The following STRA6 variants were observed in gnomAD, a reference collection of about 807,000 sequenced individuals.
The protein encoded by STRA6 is receptor for retinol uptake STRA6.
STRA6 carries 48 observed loss-of-function variants against 83.6 expected under a neutral mutation model. The observed-to-expected ratio is 0.57, with a 90% confidence interval of 0.46 to 0.73. The LOEUF is 0.73. Ranked by LOEUF, STRA6 falls within the 30% of genes least tolerant of loss-of-function variation. The probability of loss-of-function intolerance (pLI) is 0.00; values close to 1 mark genes in which losing one functional copy is unlikely to be tolerated. For missense variants in STRA6, 760 were observed against 838.8 expected (o/e 0.91, Z 1.16); for synonymous variants, 353 against 362.3 (o/e 0.97, Z 0.29).
In STRA6 at chr15:74,196,054, G is replaced by C; in HGVS notation, c.360C>G (p.Asp120Glu). The C allele has an allele frequency of 6.2e-7, 1 of 1,613,986 alleles. No homozygotes were observed. ...GAGTCAGGAAGGGCAATGCGTCCTC[G>C]TCGGGGAGCAGCAAACACAGGGAGC... ...LLSSLCLLLP[D>E]EDALPFLTLA... The change falls in exon 5 of 19, where the codon GAC becomes GAG. Residue 120 changes from aspartate (D) to glutamate (E), a missense_variant. Asp to Glu is a conservative substitution (Grantham distance 45). Transcript: ENST00000395105.
intron 13 of STRA6, 80 bp downstream of exon 13, chr15:74,184,900 C>A: frequency 1.4e-6 from 2 of 1,447,316 alleles, no homozygotes; most frequent in Admixed American, 1.8e-5. Flanking sequence ...TCCCTCCAGG[C>A]CCAGGGCCTC....
intron 8 of STRA6, among the ~76,000 whole-genome samples, chr15:74,192,443 C>T (rs992405193): frequency 1.3e-5 from 2 of 152,198 alleles, no homozygotes; most frequent in Non-Finnish European, 2.9e-5. Context: ...TGGGCCTTCT[C>T]GGACCAGAGT....
At chr15:74,181,184 T>C in intron 17 of STRA6, 111 bp downstream of exon 17, 1 of 1,501,044 alleles carries the variant, frequency 6.7e-7, no homozygotes, top group South Asian at 1.2e-5. Context: ...CACATGCAGC[T>C]ACAGGCATCG....
chr15:74,189,147 T>C lies in STRA6; in HGVS notation c.1058A>G (p.Glu353Gly). The C allele has an allele frequency of 6.2e-7, 1 of 1,614,092 alleles. No individual in the cohort carries two copies. Among genetic ancestry groups the C allele is most frequent in the Non-Finnish European group, 8.5e-7 (1 of 1,180,020 alleles). The change falls in exon 12 of 19, where the codon GAG becomes GGG. Residue 353 changes from glutamate (E) to glycine (G), a missense_variant. Glu to Gly is a moderately conservative substitution (Grantham distance 98, BLOSUM62 -2). Coordinates refer to ENST00000395105, the MANE Select transcript of STRA6 (RefSeq NM_022369.4). ...AGCCCACAGATGGTGCTTCACCAGC[T>C]CCACCACCTCCTGCTTGTCCTCGGA... ...VLSEDKQEVV[E>G]LVKHHLWALE...
At chr15:74,197,586 G>A in intron 3 of STRA6, 163 bp from the exon 4 acceptor site, 1 of 1,119,118 alleles carries the variant, frequency 8.9e-7, no homozygotes, top group Non-Finnish European at 1.3e-6. Context: ...CTGGAAGGTT[G>A]GACTTGCATC....
chr15:74,198,468 G>A (rs910076445), intron 2 of STRA6, among the ~76,000 whole-genome samples: 5 of 152,128 alleles, frequency 3.3e-5, no homozygotes, highest in Non-Finnish European at 2.9e-5. Flanking sequence ...CCCCTCTCCA[G>A]GGAGCCCCTC....
chr15:74,192,676 C>G (rs1485913089), intron 8 of STRA6, among the ~76,000 whole-genome samples: 1 of 152,186 alleles, frequency 6.6e-6, no homozygotes, highest in African/African-American at 2.4e-5. Context: ...GCTGGCTGGC[C>G]AGGTGCCTCC....
intron 2 of STRA6, 107 bp downstream of exon 2, chr15:74,202,048 C>G: frequency 3.1e-6 from 4 of 1,303,962 alleles, no homozygotes; most frequent in Non-Finnish European, 3.9e-6. Flanking sequence ...GTGGCAGAGC[C>G]AGACCTAGCA....
At chr15:74,186,093 G>T (rs910622063) in intron 12 of STRA6, among the ~76,000 whole-genome samples, 2 of 152,140 alleles carry the variant, frequency 1.3e-5, no homozygotes, top group African/African-American at 4.8e-5. Context: ...GCTAAAACTC[G>T]CCCATAGCCC....
At chr15:74,205,632 A>C (rs537690677), upstream of STRA6, among the ~76,000 whole-genome samples, 1 of 152,208 alleles carries the variant, frequency 6.6e-6, no homozygotes, top group East Asian at 1.9e-4. Flanking sequence ...CATCCAAACC[A>C]TATCGGGCAC....
chr15:74,184,944 A>T (rs754294051), intron 13 of STRA6, 36 bp downstream of exon 13: 1 of 1,605,298 alleles, frequency 6.2e-7, no homozygotes, highest in East Asian at 2.2e-5. Flanking sequence ...CTCCTTCCCC[A>T]CCTCGGCGCT....
rs1249632865 is a variant in STRA6 at position 74,188,428 on chromosome 15, C to G, written c.1090+687G>C. Among the ~76,000 whole-genome samples, 1 of 152,258 alleles carries G rather than the reference C, an allele frequency of 6.6e-6. No individual in the cohort carries two copies. Among genetic ancestry groups the G allele is most frequent in the Non-Finnish European group, 1.5e-5 (1 of 68,050 alleles). ...TTGTCCCAAGGTGATGGAGAAGGCC[C>G]CCGCCTAGGCTTCAGGAGCCCTGCG... On this transcript the variant is annotated intron_variant, in intron 12 of 18. Coordinates refer to ENST00000395105, the MANE Select transcript of STRA6 (RefSeq NM_022369.4). This position sits in a 1 kb window ranked among gnomAD's most constrained non-coding sequence, Gnocchi z 4.5.
intron 2 of STRA6, among the ~76,000 whole-genome samples, chr15:74,200,467 T>C (rs1031805974): frequency 1.2e-4 from 18 of 152,314 alleles, no homozygotes; most frequent in Admixed American, 1.2e-3. Flanking sequence ...TTTTAGGACA[T>C]TTCTGTGGCT....
chr15:74,208,690 C>A (rs904249049), intron 1 of STRA6: 2 of 986,122 alleles, frequency 2.0e-6, no homozygotes, highest in African/African-American at 3.5e-5. Context: ...CACTTCCTGC[C>A]CCTAGGCTCT....
At chr15:74,207,761 C>T, upstream of STRA6, 1 of 1,535,734 alleles carries the variant, frequency 6.5e-7, no homozygotes, top group Non-Finnish European at 8.7e-7. Context: ...CTCATGCGGG[C>T]CCGTGAGCTT....
chr15:74,187,587 T>A (rs1424768226), intron 12 of STRA6, among the ~76,000 whole-genome samples: 4 of 152,022 alleles, frequency 2.6e-5, no homozygotes, highest in Admixed American at 2.0e-4. Context: ...GTGGCAGTCC[T>A]AACAGAAGCT....
At chr15:74,194,728 T>C (rs2073728349) in intron 7 of STRA6, 14 of 1,219,394 alleles carry the variant, frequency 1.1e-5, no homozygotes, top group Non-Finnish European at 1.3e-5. Flanking sequence ...TTCAAATATG[T>C]TGTTGAATGA....
At chr15:74,210,087 GCAGC>G (rs1294014997), upstream of STRA6, among the ~76,000 whole-genome samples, 1 of 152,220 alleles carries the variant, frequency 6.6e-6, no homozygotes, top group Non-Finnish European at 1.5e-5. Flanking sequence ...AGAAAGGGAA[GCAGC>G]CAGCCAGCTT....
upstream of STRA6, among the ~76,000 whole-genome samples, chr15:74,204,278 C>A (rs1469353489): frequency 6.6e-6 from 1 of 152,240 alleles, no homozygotes; most frequent in African/African-American, 2.4e-5. Context: ...TCCCTCCCAC[C>A]CCTCCTCCTG....
Sources: allele counts gnomAD v4.1 joint callset (sites outside exome capture counted in the v4.1 genomes callset), GRCh38; gene constraint gnomAD v4.1.1; non-coding constraint Gnocchi (gnomAD v3.1); transcripts MANE v1.5; gene names NCBI Gene and HGNC (gene_info 2026-07-23, HGNC 2026-07-21).